Variants in GMDS observed in about 807,000 individuals in gnomAD.
The protein encoded by GMDS is GDP-mannose 4,6-dehydratase.
A neutral mutation model predicts 49.9 loss-of-function variants in GMDS; 20 were observed. That is an observed-to-expected ratio of 0.40 (90% confidence interval 0.28 to 0.58). The LOEUF is 0.58. Ranked by LOEUF, GMDS falls within the 20% of genes least tolerant of loss-of-function variation. The probability of loss-of-function intolerance (pLI) is 0.42; values close to 1 mark genes in which losing one functional copy is unlikely to be tolerated. For missense variants in GMDS, 362 were observed against 481.4 expected (o/e 0.75, Z 2.32); for synonymous variants, 177 against 178.6 (o/e 0.99, Z 0.07).
At chr6:2,197,934 G>A (rs934076358) in intron 1 of GMDS, among the ~76,000 whole-genome samples, 5 of 152,174 alleles carry the variant, frequency 3.3e-5, no homozygotes, top group Non-Finnish European at 7.3e-5. Context: ...TGGAGGATGC[G>A]TGCATTAGAG....
At chr6:1,657,163 C>G (rs1267533162) in intron 9 of GMDS, among the ~76,000 whole-genome samples, 1 of 152,204 alleles carries the variant, frequency 6.6e-6, no homozygotes, top group Non-Finnish European at 1.5e-5. Flanking sequence ...TTAAAGAGAT[C>G]TTTGATGCCA....
At chr6:2,177,709 C>G (rs1289085043) in intron 1 of GMDS, among the ~76,000 whole-genome samples, 1 of 152,094 alleles carries the variant, frequency 6.6e-6, no homozygotes, top group Non-Finnish European at 1.5e-5. Context: ...TAATAAGAAC[C>G]ATGTATGATC....
chr6:1,826,161 G>A (rs1274079612), intron 7 of GMDS, among the ~76,000 whole-genome samples: 1 of 152,190 alleles, frequency 6.6e-6, no homozygotes, highest in East Asian at 1.9e-4. Context: ...CACTACTGTA[G>A]AATTTGTAAA....
At chr6:1,664,410 C>G (rs145830294) in intron 9 of GMDS, among the ~76,000 whole-genome samples, 1 of 152,222 alleles carries the variant, frequency 6.6e-6, no homozygotes. Context: ...AGTGTTCTTA[C>G]AACTTCATCG....
At chr6:2,085,471 T>C (rs975426360) in intron 4 of GMDS, among the ~76,000 whole-genome samples, 3 of 152,206 alleles carry the variant, frequency 2.0e-5, no homozygotes, top group Admixed American at 2.0e-4. Flanking sequence ...TTAGCAGTCA[T>C]ATGCACTTCC....
chr6:2,105,055 A>G (rs1056169890), intron 4 of GMDS, among the ~76,000 whole-genome samples: 7 of 151,910 alleles, frequency 4.6e-5, no homozygotes, highest in South Asian at 2.1e-4. Context: ...GGTGGCAGGC[A>G]CCTGTAGTCC....
intron 4 of GMDS, among the ~76,000 whole-genome samples, chr6:2,063,724 G>A (rs1157249553): frequency 1.3e-5 from 2 of 152,134 alleles, no homozygotes; most frequent in Non-Finnish European, 2.9e-5. Context: ...CAAAGCATTC[G>A]TGGAGCCCAA....
chr6:1,723,440 C>T (rs2113431867), intron 9 of GMDS, among the ~76,000 whole-genome samples: 1 of 151,866 alleles, frequency 6.6e-6, no homozygotes, highest in Non-Finnish European at 1.5e-5. Context: ...CATTCTCCTG[C>T]CTCAGCCTCC....
chr6:1,624,555 G>C lies in GMDS; in HGVS notation c.988-15C>G, dbSNP rs1762786144. 1 of 1,607,804 alleles carries C rather than the reference G, an allele frequency of 6.2e-7. No individual in the cohort carries two copies. Among genetic ancestry groups the C allele is most frequent in the Non-Finnish European group, 8.5e-7 (1 of 1,174,572 alleles). On this transcript the variant is annotated splice_polypyrimidine_tract_variant and intron_variant, in intron 9 of 10. Transcript: ENST00000380815. ...TGCAGAAAGTCCTAGGGAAGAAGAG[G>C]GGGAGACGAAGCAGGCGTGGGTCGT...
At chr6:1,981,874 C>G (rs1416953327) in intron 4 of GMDS, among the ~76,000 whole-genome samples, 1 of 152,202 alleles carries the variant, frequency 6.6e-6, no homozygotes, top group Non-Finnish European at 1.5e-5. Flanking sequence ...TTAACATACA[C>G]AAATCAATAA....
intron 1 of GMDS, among the ~76,000 whole-genome samples, chr6:2,167,619 G>C (rs1777732953): frequency 6.6e-6 from 1 of 151,978 alleles, no homozygotes; most frequent in African/African-American, 2.4e-5. Context: ...CTCTTGCCAT[G>C]CATCTTCCCC....
chr6:1,925,664 G>T (rs1195112564), intron 7 of GMDS, among the ~76,000 whole-genome samples: 1 of 152,196 alleles, frequency 6.6e-6, no homozygotes, highest in Non-Finnish European at 1.5e-5. Flanking sequence ...CACTTCATCT[G>T]AAGGTTTACT....
chr6:2,044,266 T>C (rs1769861592), intron 4 of GMDS, among the ~76,000 whole-genome samples: 1 of 152,232 alleles, frequency 6.6e-6, no homozygotes. Flanking sequence ...TGCACGCATA[T>C]GTTCACTGCA....
intron 7 of GMDS, among the ~76,000 whole-genome samples, chr6:1,849,586 A>G (rs557727346): frequency 2.0e-5 from 3 of 152,368 alleles, no homozygotes; most frequent in Non-Finnish European, 4.4e-5. Context: ...ATAACCTGTG[A>G]ATACCCAGTA....
intron 6 of GMDS, among the ~76,000 whole-genome samples, chr6:1,940,019 C>T (rs557640135): frequency 1.5e-3 from 233 of 152,276 alleles, no homozygotes; most frequent in Non-Finnish European, 2.9e-3. Context: ...ATGCCGTAGA[C>T]GTAAGGAAGA....
At chr6:2,233,751 G>C (rs73420780) in intron 1 of GMDS, among the ~76,000 whole-genome samples, 2 of 152,132 alleles carry the variant, frequency 1.3e-5, no homozygotes, top group Non-Finnish European at 2.9e-5. Context: ...TCCCGGTGGG[G>C]GGCGCCGAAG....
At chr6:2,235,630 AC>A (rs1187428658) in intron 1 of GMDS, among the ~76,000 whole-genome samples, 1 of 147,466 alleles carries the variant, frequency 6.8e-6, no homozygotes, top group Non-Finnish European at 1.5e-5. Context: ...GCACGGCAAG[AC>A]CCCATCTTAA....
chr6:2,245,447 C>G lies in GMDS; in HGVS notation c.-25G>C. ...TGTCCCGCGGCGGGCGTGCGGTCGGCGGCAGGGCGGAGCGCGGCAGAGGGC... is the reference window on the plus strand; with the variant it reads ...TGTCCCGCGGCGGGCGTGCGGTCGGGGGCAGGGCGGAGCGCGGCAGAGGGC... On this transcript the variant is annotated 5_prime_UTR_variant, in exon 1 of 11. Transcript: ENST00000380815. 7.2e-7 allele frequency: 1 copy of G among 1,387,710 alleles called. No homozygotes were observed. The highest frequency in any genetic ancestry group is 9.4e-7 in the Non-Finnish European group (1 of 1,066,538). The allele number at this position is 1,387,710 out of a possible 1,614,324, so 86.0% of individuals were successfully genotyped here.
At chr6:1,787,266 C>T (rs995019000) in intron 7 of GMDS, among the ~76,000 whole-genome samples, 1 of 152,132 alleles carries the variant, frequency 6.6e-6, no homozygotes, top group Non-Finnish European at 1.5e-5. Context: ...ATGAGCGAGA[C>T]ATAAAACAAA....
Sources: allele counts gnomAD v4.1 joint callset (sites outside exome capture counted in the v4.1 genomes callset), GRCh38; gene constraint gnomAD v4.1.1; transcripts MANE v1.5; gene names NCBI Gene and HGNC (gene_info 2026-07-23, HGNC 2026-07-21).